ZNF502: variants seen among roughly 807,000 people sequenced by gnomAD.
The protein encoded by ZNF502 is zinc finger protein 502.
A neutral mutation model predicts 43.6 loss-of-function variants in ZNF502; 29 were observed. The observed-to-expected ratio is 0.67, with a 90% CI of 0.50 to 0.91. The LOEUF (loss-of-function observed/expected upper bound fraction) is 0.91, where lower values mean the gene tolerates loss of function less well. Ranked by LOEUF, ZNF502 falls within the 40% of genes least tolerant of loss-of-function variation. ZNF502 has a pLI of 0.00. For missense variants in ZNF502, 591 were observed against 647.2 expected (o/e 0.91, Z 0.94); for synonymous variants, 171 against 207.4 (o/e 0.82, Z 1.51).
chr3:44,718,903 T>G (rs568512923), intron 1 of ZNF502, among the ~76,000 whole-genome samples: 1 of 152,120 alleles, frequency 6.6e-6, no homozygotes, highest in East Asian at 1.9e-4. Flanking sequence ...GATTGTATAG[T>G]AGCTTACAGG....
At chr3:44,717,490 C>T (rs1704177733) in intron 1 of ZNF502, among the ~76,000 whole-genome samples, 1 of 146,504 alleles carries the variant, frequency 6.8e-6, no homozygotes, top group African/African-American at 2.5e-5. Flanking sequence ...ATCCTCACCA[C>T]AACCTCCGCC....
At position 44,721,864 on chromosome 3, in the gene ZNF502, A is replaced by G. The variant is rs768540356; in HGVS notation, c.1047A>G (p.Lys349=). The G allele has an allele frequency of 1.2e-5, 20 of 1,613,844 alleles. No individual in the cohort carries two copies. The highest frequency in any genetic ancestry group is 1.1e-4 in the East Asian group (5 of 44,902). The part of the protein sequence containing the change: ...SQHQRIHSGE[K]PYKCKECGKA... ...ATCAGAGAATTCATAGTGGAGAGAA[A>G]CCCTATAAATGTAAAGAATGTGGCA... The change falls in exon 3 of 3, where the codon AAA becomes AAG. Residue 349 remains lysine (K), a synonymous_variant. Coordinates refer to ENST00000436624, the MANE Select transcript of ZNF502 (RefSeq NM_001134442.3).
Position 44,720,245 on chromosome 3 carries a change from GAA to G in ZNF502, c.-16_-15del. The stretch of plus-strand genomic sequence containing the variant: ...ACCTGAAGTGTTTTCCAATCAAAGC[GAA>G]GAGACGATCTGTGGATGTTGAATAT... On this transcript the variant is annotated 5_prime_UTR_variant, in exon 2 of 3. Coordinates refer to ENST00000436624, the MANE Select transcript of ZNF502 (RefSeq NM_001134442.3). 12 of 1,614,060 alleles carry G rather than the reference GAA, an allele frequency of 7.4e-6. No individual in the cohort carries two copies. The highest frequency in any genetic ancestry group is 1.0e-5 in the Non-Finnish European group (12 of 1,179,944).
chr3:44,714,038 G>T (rs748354972), intron 1 of ZNF502, among the ~76,000 whole-genome samples: 1 of 152,172 alleles, frequency 6.6e-6, no homozygotes, highest in East Asian at 1.9e-4. Context: ...ACCAAGAAGG[G>T]CTTCAGAGAG....
intron 2 of ZNF502, 125 bp downstream of exon 2, chr3:44,720,441 G>A: frequency 1.1e-6 from 1 of 939,126 alleles, no homozygotes; most frequent in Non-Finnish European, 1.6e-6. Context: ...GGATGTTGGG[G>A]ACAGGGGTGG....
chr3:44,722,637 T>C lies in ZNF502; in HGVS notation c.*185T>C. The C allele has an allele frequency of 1.5e-6, 1 of 686,342 alleles. No individual in the cohort carries two copies. The highest frequency in any genetic ancestry group is 2.7e-5 in the East Asian group (1 of 37,286). 42.5% of individuals were successfully genotyped at this position (686,342 alleles called of 1,614,324 possible). A position where few individuals can be genotyped will look rare whatever the true frequency, so the allele number is the denominator to read the frequency against. On this transcript the variant is annotated 3_prime_UTR_variant, in exon 3 of 3. Transcript: ENST00000436624. ...ATGCAGAGCCTACTTGAGGTGGGCA[T>C]CTGGGAATACAGGGTAGAAAGAAAT...
intron 1 of ZNF502, among the ~76,000 whole-genome samples, chr3:44,715,853 C>T (rs527272927): frequency 2.6e-5 from 4 of 152,210 alleles, no homozygotes; most frequent in South Asian, 2.1e-4. Context: ...ACCACAAGCA[C>T]GACACATGTA....
intron 1 of ZNF502, among the ~76,000 whole-genome samples, chr3:44,719,324 A>G (rs1174898093): frequency 6.6e-6 from 1 of 152,240 alleles, no homozygotes; most frequent in Admixed American, 6.5e-5. Context: ...GACTTCACTA[A>G]GAAGTCCACA....
intron 1 of ZNF502, among the ~76,000 whole-genome samples, chr3:44,714,357 G>A (rs1312647867): frequency 2.0e-5 from 3 of 152,182 alleles, no homozygotes; most frequent in African/African-American, 7.2e-5. Context: ...AGAAGCACCT[G>A]TACATTACTT....
At position 44,722,423 on chromosome 3, in the gene ZNF502, A is replaced by G; in HGVS notation, c.1606A>G (p.Arg536Gly). 1 of 1,613,026 alleles carries G rather than the reference A, an allele frequency of 6.2e-7. No individual in the cohort carries two copies. The highest frequency in any genetic ancestry group is 8.5e-7 in the Non-Finnish European group (1 of 1,179,570). The change falls in exon 3 of 3, where the codon AGA (arginine) becomes GGA (glycine). Residue 536 changes from arginine (R) to glycine (G), a missense_variant. By Grantham distance (125) the Arg-to-Gly change is moderately radical. Coordinates refer to ENST00000436624, the MANE Select transcript of ZNF502 (RefSeq NM_001134442.3). Reference protein sequence around the residue: ...KFFRHSSVLFRHQKLHSGD With the variant: ...KFFRHSSVLFGHQKLHSGD ...CTTCAGACATAGTTCAGTCCTTTTCAGACATCAGAAACTTCACAGTGGTGA... is the reference window on the plus strand; with the variant it reads ...CTTCAGACATAGTTCAGTCCTTTTCGGACATCAGAAACTTCACAGTGGTGA...
chr3:44,722,254 T>G lies in ZNF502; in HGVS notation c.1437T>G (p.Thr479=), dbSNP rs765016842. The G allele has an allele frequency of 1.1e-5, 17 of 1,614,250 alleles. No homozygotes were observed. The highest frequency in any genetic ancestry group is 1.4e-5 in the Non-Finnish European group (16 of 1,180,046). Residue 479 remains threonine, a synonymous_variant, in exon 3 of 3, where the codon ACT becomes ACG. Transcript: ENST00000436624. ...GKAFAHSSSL[T]EHHRTHTGEK... ...CCTTTGCTCATAGCTCATCTCTTAC[T>G]GAACATCATAGAACTCACACTGGTG...
intron 1 of ZNF502, among the ~76,000 whole-genome samples, chr3:44,717,656 C>T (rs896220960): frequency 6.6e-6 from 1 of 152,110 alleles, no homozygotes. Flanking sequence ...AGTAATCCAC[C>T]TGCCTCAGCC....
rs1346670266 is a variant in ZNF502, at chr3:44,722,121, A to G, written c.1304A>G (p.Tyr435Cys). 7 of 1,614,204 alleles carry G rather than the reference A, an allele frequency of 4.3e-6. No individual in the cohort carries two copies. The highest frequency in any genetic ancestry group is 5.9e-6 in the Non-Finnish European group (7 of 1,180,034). ...AGAAGTCACACTGGAGAAAAACCCT[A>G]TAAATGCAATGAATGTGGAAAGGGC... ...HQRSHTGEKPYKCNECGKGFN... is the reference protein window; with the variant it reads ...HQRSHTGEKPCKCNECGKGFN... The change falls in exon 3 of 3, where the codon TAT (tyrosine) becomes TGT (cysteine). Residue 435 changes from tyrosine to cysteine, a missense_variant. Coordinates refer to ENST00000436624, the MANE Select transcript of ZNF502 (RefSeq NM_001134442.3).
chr3:44,715,688 TTGATCTTA>T (rs2125863122), intron 1 of ZNF502, among the ~76,000 whole-genome samples: 1 of 152,290 alleles, frequency 6.6e-6, no homozygotes, highest in African/African-American at 2.4e-5. Flanking sequence ...TTTTTCCTTC[TTGATCTTA>T]TTCAGATGTA....
At chr3:44,717,991 G>A (rs1198104302) in intron 1 of ZNF502, among the ~76,000 whole-genome samples, 2 of 152,124 alleles carry the variant, frequency 1.3e-5, no homozygotes, top group African/African-American at 4.8e-5. Context: ...CACTGTTGGA[G>A]TTTTCCTAGC....
intron 1 of ZNF502, among the ~76,000 whole-genome samples, chr3:44,718,202 C>T (rs2060208752): frequency 6.6e-6 from 1 of 152,158 alleles, no homozygotes; most frequent in Admixed American, 6.5e-5. Flanking sequence ...ACTGTCATCT[C>T]CCAAAACTGC....
chr3:44,720,611 A>T (rs894201136), intron 2 of ZNF502, among the ~76,000 whole-genome samples: 2 of 151,946 alleles, frequency 1.3e-5, no homozygotes, highest in South Asian at 4.1e-4. Flanking sequence ...GTTGTTTTTC[A>T]TTTATCTCTA....
At position 44,721,909 on chromosome 3, in the gene ZNF502, A is replaced by T; in HGVS notation, c.1092A>T (p.Pro364=). The change falls in exon 3 of 3, where the codon CCA becomes CCT. Residue 364 remains proline, a synonymous_variant. Coordinates refer to ENST00000436624, the MANE Select transcript of ZNF502 (RefSeq NM_001134442.3). The part of the protein sequence containing the change: ...KECGKAFCQS[P]SLIKHQRIHT... ...GTGGCAAAGCCTTTTGTCAGAGCCC[A>T]TCTCTTATTAAACACCAGCGAATTC... 1 of 1,614,130 alleles carries T rather than the reference A, an allele frequency of 6.2e-7. No individual in the cohort carries two copies.
chr3:44,718,200 C>T (rs927490066), intron 1 of ZNF502, among the ~76,000 whole-genome samples: 1 of 152,192 alleles, frequency 6.6e-6, no homozygotes, highest in Non-Finnish European at 1.5e-5. Context: ...TCACTGTCAT[C>T]TCCCAAAACT....
Sources: allele counts gnomAD v4.1 joint callset (sites outside exome capture counted in the v4.1 genomes callset), GRCh38; gene constraint gnomAD v4.1.1; transcripts MANE v1.5; gene names NCBI Gene and HGNC (gene_info 2026-07-23, HGNC 2026-07-21).